The following PARP16 variants were observed in gnomAD, a reference collection of about 807,000 sequenced individuals.
The protein encoded by PARP16 is protein mono-ADP-ribosyltransferase PARP16.
A neutral mutation model predicts 35.0 loss-of-function variants in PARP16; 31 were observed. The observed-to-expected ratio is 0.88, with a 90% CI of 0.66 to 1.19. The LOEUF (loss-of-function observed/expected upper bound fraction) is 1.19. Ranked by LOEUF, PARP16 falls within the 50% of genes most tolerant of loss-of-function variation. PARP16 has a pLI of 0.00. For missense variants in PARP16, 424 were observed against 411.2 expected, an observed-to-expected ratio of 1.03 and a Z score of -0.27; for synonymous variants, 162 against 169.5, an observed-to-expected ratio of 0.96 and a Z score of 0.34.
intron 3 of PARP16, among the ~76,000 whole-genome samples, chr15:65,236,840 C>T (rs1057431480): frequency 9.9e-5 from 15 of 151,812 alleles, no homozygotes; most frequent in African/African-American, 3.6e-4. Flanking sequence ...GATGTGGTGG[C>T]GGGCACCTGT....
At chr15:65,284,337 CTTTTTTTT>C (rs34254507) in intron 1 of PARP16, among the ~76,000 whole-genome samples, 1 of 67,034 alleles carries the variant, frequency 1.5e-5, no homozygotes, top group Non-Finnish European at 2.7e-5. Flanking sequence ...TTTCTTTCCT[CTTTTTTTT>C]TTTTTTTTTT....
intron 4 of PARP16, among the ~76,000 whole-genome samples, chr15:65,262,362 C>T (rs2089756564): frequency 6.6e-6 from 1 of 152,134 alleles, no homozygotes; most frequent in African/African-American, 2.4e-5. Context: ...AAACTTCTGA[C>T]CTCAGGTGAT....
intron 1 of PARP16, among the ~76,000 whole-genome samples, chr15:65,283,341 G>T (rs922275357): frequency 6.6e-6 from 1 of 151,900 alleles, no homozygotes; most frequent in Non-Finnish European, 1.5e-5. Context: ...TCCCAAACAG[G>T]TCCCTCTCTC....
At chr15:65,273,454 CCAG>C (rs1403997987) in intron 1 of PARP16, among the ~76,000 whole-genome samples, 1 of 151,058 alleles carries the variant, frequency 6.6e-6, no homozygotes, top group Non-Finnish European at 1.5e-5. Flanking sequence ...TTTCTTAAGG[CCAG>C]GAGTTAGAGA....
downstream of PARP16, among the ~76,000 whole-genome samples, chr15:65,253,471 CA>C (rs1321072088): frequency 7.0e-4 from 106 of 150,952 alleles, 1 homozygote; most frequent in African/African-American, 2.5e-3. Context: ...GCTGGGACTA[CA>C]GGCGCCCGCC....
chr15:65,242,831 C>A (rs1268119526), intron 3 of PARP16, among the ~76,000 whole-genome samples: 2 of 151,994 alleles, frequency 1.3e-5, no homozygotes, highest in African/African-American at 4.8e-5. Flanking sequence ...TCTCCTGCCT[C>A]AGCCTCCTGA....
chr15:65,270,851 G>A (rs972064477), intron 2 of PARP16, 84 bp downstream of exon 2: 2 of 1,336,782 alleles, frequency 1.5e-6, no homozygotes, highest in Non-Finnish European at 2.1e-6. Context: ...TGGTACACAG[G>A]GAAGTCTCAG....
In PARP16 at chr15:65,286,566, G is replaced by A. The variant is rs1406644817; in HGVS notation, c.-140C>T. ...AGCCTGGGGTGGAGCTAGGCAGGGGGCTGAGATGACAGGGGTGAGAACGTG... is the reference window on the plus strand; with the variant it reads ...AGCCTGGGGTGGAGCTAGGCAGGGGACTGAGATGACAGGGGTGAGAACGTG... On this transcript the variant is annotated 5_prime_UTR_variant, in exon 1 of 6. Transcript: ENST00000649807. 1.4e-5 allele frequency: 8 copies of A among 584,994 alleles called. No homozygotes were observed. The highest frequency in any genetic ancestry group is 3.4e-5 in the East Asian group (1 of 29,486). The allele number at this position is 584,994 out of a possible 1,614,324, so 36.2% of individuals were successfully genotyped here.
rs946576160 is a variant in PARP16 at position 65,286,646 on chromosome 15, A to G, written c.-220T>C. 2.3e-5 allele frequency: 7 copies of G among 306,190 alleles called. No individual in the cohort carries two copies. Among genetic ancestry groups the G allele is most frequent in the African/African-American group, 1.7e-4 (7 of 42,162 alleles). The allele number at this position is 306,190 out of a possible 1,614,324, so 19.0% of individuals were successfully genotyped here. ...CCGCGGCTCGCCGCCGAAGAGAGAG[A>G]CCGAGGCCTGGACCGCGGGTCGGCG... On this transcript the variant is annotated 5_prime_UTR_variant, in exon 1 of 6. Coordinates refer to ENST00000649807, the MANE Select transcript of PARP16 (RefSeq NM_001316943.2).
In PARP16 at chr15:65,259,348, C is replaced by A; in HGVS notation, c.*59G>T. On this transcript the variant is annotated 3_prime_UTR_variant, in exon 6 of 6. Transcript: ENST00000649807. ...GGCTGGACATGAGGCATAGGAGGTACAGAACAAGTTACCATAAGGCACATA... is the reference window on the plus strand; with the variant it reads ...GGCTGGACATGAGGCATAGGAGGTAAAGAACAAGTTACCATAAGGCACATA... The A allele has an allele frequency of 6.3e-7, 1 of 1,585,484 alleles. No individual in the cohort carries two copies. Among genetic ancestry groups the A allele is most frequent in the South Asian group, 1.1e-5 (1 of 89,574 alleles).
intron 5 of PARP16, among the ~76,000 whole-genome samples, chr15:65,260,193 G>A (rs1336042834): frequency 6.6e-6 from 1 of 152,094 alleles, no homozygotes; most frequent in African/African-American, 2.4e-5. Context: ...TGTACAAGCA[G>A]GAGTGGGGAT....
chr15:65,249,199 T>C (rs939845997), intron 2 of PARP16, among the ~76,000 whole-genome samples: 1 of 152,244 alleles, frequency 6.6e-6, no homozygotes, highest in Non-Finnish European at 1.5e-5. Context: ...GCCAGTGTTC[T>C]AGTCCTGCTT....
downstream of PARP16, among the ~76,000 whole-genome samples, chr15:65,233,229 T>C (rs1041432384): frequency 6.6e-6 from 1 of 151,514 alleles, no homozygotes; most frequent in Non-Finnish European, 1.5e-5. Context: ...CTGGCTAACA[T>C]GGTGAAACCC....
At chr15:65,274,705 G>C (rs1261816141) in intron 1 of PARP16, among the ~76,000 whole-genome samples, 1 of 152,138 alleles carries the variant, frequency 6.6e-6, no homozygotes, top group African/African-American at 2.4e-5. Context: ...TATTCAGGGG[G>C]CATTTACTAA....
chr15:65,267,937 C>T (rs1162476802), intron 2 of PARP16, among the ~76,000 whole-genome samples: 1 of 151,796 alleles, frequency 6.6e-6, no homozygotes, highest in Non-Finnish European at 1.5e-5. Context: ...GTGATCCACC[C>T]GCCTCAGCCG....
At position 65,271,033 on chromosome 15, in the gene PARP16, G is replaced by A. The variant is rs779468956; in HGVS notation, c.214C>T (p.Leu72Phe). ...TTGTGGTTGTCTCCGGAGGACTGGA[G>A]AAGTTCTTTCAGGTTAGGTAACTTG... ...ASKLPNLKEL[L>F]QSSGDNHKRA... The change falls in exon 2 of 6, where the codon CTC (leucine) becomes TTC (phenylalanine). Residue 72 changes from leucine (L) to phenylalanine (F), a missense_variant. Leu to Phe is a conservative substitution (Grantham distance 22, BLOSUM62 0). Transcript: ENST00000649807. 6.2e-7 allele frequency: 1 copy of A among 1,614,074 alleles called. No individual in the cohort carries two copies. The highest frequency in any genetic ancestry group is 8.5e-7 in the Non-Finnish European group (1 of 1,179,942).
intron 3 of PARP16, among the ~76,000 whole-genome samples, chr15:65,238,103 T>C (rs1348935145): frequency 1.3e-5 from 2 of 152,132 alleles, no homozygotes; most frequent in Admixed American, 1.3e-4. Flanking sequence ...CTGGCCAACA[T>C]GGTGAAACCC....
intron 1 of PARP16, among the ~76,000 whole-genome samples, chr15:65,278,053 G>C (rs2090309628): frequency 6.6e-6 from 1 of 152,204 alleles, no homozygotes; most frequent in Non-Finnish European, 1.5e-5. Flanking sequence ...CCCACTCCAG[G>C]TGGGAAAGAG....
downstream of PARP16, among the ~76,000 whole-genome samples, chr15:65,231,590 C>T (rs2088778965): frequency 6.6e-6 from 1 of 151,924 alleles, no homozygotes; most frequent in South Asian, 2.1e-4. Flanking sequence ...GCTGGGACTA[C>T]AGGCGCACCA....
Sources: allele counts gnomAD v4.1 joint callset (sites outside exome capture counted in the v4.1 genomes callset), GRCh38; gene constraint gnomAD v4.1.1; transcripts MANE v1.5; gene names NCBI Gene and HGNC (gene_info 2026-07-23, HGNC 2026-07-21).